The following SLC41A3 variants were observed in gnomAD, a reference collection of about 807,000 sequenced individuals.
SLC41A3 encodes the protein solute carrier family 41 member 3.
SLC41A3 carries 44 observed loss-of-function variants against 45.4 expected under a neutral mutation model. The ratio of observed to expected loss-of-function variants is 0.97; its 90% CI spans 0.76 to 1.25. The LOEUF is 1.25. Ranked by LOEUF, SLC41A3 falls within the 50% of genes most tolerant of loss-of-function variation. The pLI is 0.00. For missense variants in SLC41A3, 550 were observed against 600.6 expected (o/e 0.92, Z 0.88); for synonymous variants, 256 against 252.4 (o/e 1.01, Z -0.13).
chr3:126,071,252 A>G (rs1182560014), intron 1 of SLC41A3, among the ~76,000 whole-genome samples: 2 of 152,196 alleles, frequency 1.3e-5, no homozygotes, highest in East Asian at 3.8e-4. Context: ...AGTGGCTTTA[A>G]TACTATTAAT....
At chr3:126,080,085 G>A (rs970502651) in intron 1 of SLC41A3, among the ~76,000 whole-genome samples, 1 of 152,044 alleles carries the variant, frequency 6.6e-6, no homozygotes, top group South Asian at 2.1e-4. Flanking sequence ...CAGATTAAAG[G>A]CTTATATGAT....
intron 1 of SLC41A3, among the ~76,000 whole-genome samples, chr3:126,077,949 C>T (rs1258528850): frequency 6.6e-6 from 1 of 152,146 alleles, no homozygotes. Context: ...AGGAACGGTG[C>T]CCCTCATCCA....
chr3:126,043,854 G>A (rs1445870581), intron 3 of SLC41A3, among the ~76,000 whole-genome samples: 3 of 149,986 alleles, frequency 2.0e-5, no homozygotes, highest in Non-Finnish European at 4.4e-5. Flanking sequence ...CCAGAGGAAG[G>A]CAATAGGGAA....
chr3:126,042,603 G>T (rs1942665681), intron 3 of SLC41A3, among the ~76,000 whole-genome samples: 2 of 152,100 alleles, frequency 1.3e-5, no homozygotes, highest in African/African-American at 4.8e-5. Context: ...AGACTTTAAA[G>T]CAACTGTCTT....
At chr3:126,073,501 T>C (rs1944728083) in intron 1 of SLC41A3, among the ~76,000 whole-genome samples, 1 of 152,138 alleles carries the variant, frequency 6.6e-6, no homozygotes, top group Non-Finnish European at 1.5e-5. Context: ...GTTTATTACC[T>C]GGGTGACAAA....
chr3:126,064,126 G>C (rs1049831906), intron 2 of SLC41A3, among the ~76,000 whole-genome samples: 1 of 151,940 alleles, frequency 6.6e-6, no homozygotes, highest in Non-Finnish European at 1.5e-5. Context: ...AGCTGGCATC[G>C]AGGCATCAAG....
chr3:126,028,411 C>T (rs575977309), intron 4 of SLC41A3, among the ~76,000 whole-genome samples: 2 of 152,378 alleles, frequency 1.3e-5, no homozygotes, highest in East Asian at 3.9e-4. Flanking sequence ...ACGCATAAGC[C>T]TTGGTTCCAT....
intron 2 of SLC41A3, among the ~76,000 whole-genome samples, chr3:126,055,095 C>T (rs1287751296): frequency 6.6e-6 from 1 of 152,116 alleles, no homozygotes; most frequent in Non-Finnish European, 1.5e-5. Context: ...CCAACTTGGA[C>T]CCAGGGGCAC....
intron 1 of SLC41A3, among the ~76,000 whole-genome samples, chr3:126,098,788 C>T (rs1945651728): frequency 6.6e-6 from 1 of 152,384 alleles, no homozygotes; most frequent in East Asian, 1.9e-4. Context: ...TTGGTGCCAG[C>T]AGCCTTAGTC....
In SLC41A3 at chr3:126,081,020, C is replaced by T. The variant is rs1406958162; in HGVS notation, c.-28+3073G>A. Among the ~76,000 whole-genome samples, 4 of 152,024 alleles carry T rather than the reference C, an allele frequency of 2.6e-5. No individual in the cohort carries two copies. The East Asian group carries it at 7.7e-4, about 29-fold the overall frequency. On this transcript the variant is annotated intron_variant, in intron 1 of 10. Coordinates refer to ENST00000360370, the MANE Select transcript of SLC41A3 (RefSeq NM_017836.4). ...GCAATCCCACTAATGGGTACATATC[C>T]AAAAGAAAGGAAACCAGGATATTGA...
chr3:126,082,393 ACAG>A (rs1441855489), intron 1 of SLC41A3, among the ~76,000 whole-genome samples: 2 of 152,216 alleles, frequency 1.3e-5, no homozygotes, highest in African/African-American at 4.8e-5. Flanking sequence ...AGGGGGTGAT[ACAG>A]GACAGCCCCC....
chr3:126,088,088 T>C (rs1469370273), upstream of SLC41A3, among the ~76,000 whole-genome samples: 1 of 152,134 alleles, frequency 6.6e-6, no homozygotes, highest in Non-Finnish European at 1.5e-5. Context: ...TGTTGGTTCC[T>C]GTAACTTAAT....
chr3:126,081,805 A>C (rs774851233), intron 1 of SLC41A3, among the ~76,000 whole-genome samples: 8 of 152,190 alleles, frequency 5.3e-5, no homozygotes, highest in Non-Finnish European at 1.0e-4. Flanking sequence ...ACTCAGCCAC[A>C]GTCTTGGTGA....
At chr3:126,101,204 G>C (rs574695324) in intron 1 of SLC41A3, among the ~76,000 whole-genome samples, 6 of 152,340 alleles carry the variant, frequency 3.9e-5, no homozygotes, top group African/African-American at 1.4e-4. Flanking sequence ...GCAACAGCAT[G>C]ACCCCCCTTC....
At chr3:126,019,985 C>A (rs1380016830) in intron 6 of SLC41A3, among the ~76,000 whole-genome samples, 1 of 152,110 alleles carries the variant, frequency 6.6e-6, no homozygotes, top group Non-Finnish European at 1.5e-5. Context: ...GGCTTCAGCC[C>A]TGAAACAAGT....
At chr3:126,074,707 C>G (rs1488022328) in intron 1 of SLC41A3, among the ~76,000 whole-genome samples, 4 of 151,926 alleles carry the variant, frequency 2.6e-5, no homozygotes, top group Non-Finnish European at 5.9e-5. Context: ...TTGAGACAGG[C>G]TCTCACTCTG....
intron 1 of SLC41A3, among the ~76,000 whole-genome samples, chr3:126,075,355 A>C (rs892523606): frequency 6.6e-6 from 1 of 152,214 alleles, no homozygotes; most frequent in African/African-American, 2.4e-5. Context: ...CAAATTTAAC[A>C]AAAGAAGTCC....
chr3:126,066,022 C>T (rs1228295495), intron 2 of SLC41A3, among the ~76,000 whole-genome samples: 3 of 152,138 alleles, frequency 2.0e-5, no homozygotes, highest in African/African-American at 7.2e-5. Context: ...ATGCTTTTAG[C>T]CAATTGCTTC....
At chr3:126,038,623 G>T (rs144105472) in intron 3 of SLC41A3, among the ~76,000 whole-genome samples, 2 of 152,310 alleles carry the variant, frequency 1.3e-5, no homozygotes, top group South Asian at 4.1e-4. Context: ...TACTACCATT[G>T]CATCTTGGGA....
Sources: gnomAD v4.1 joint callset for allele counts (sites outside exome capture counted in the v4.1 genomes callset) on GRCh38, gnomAD v4.1.1 for gene constraint, MANE v1.5 for transcripts, NCBI Gene and HGNC (gene_info 2026-07-23, HGNC 2026-07-21) for gene names.